TKFC: variants seen among roughly 807,000 people sequenced by gnomAD.
TKFC encodes triokinase/FMN cyclase.
TKFC carries 46 observed loss-of-function variants against 61.0 expected under a neutral mutation model. The ratio of observed to expected loss-of-function variants is 0.75; its 90% CI spans 0.60 to 0.96. TKFC has a LOEUF of 0.96. Among genes scored for constraint, TKFC ranks in the 50% least tolerant of loss-of-function variants. The pLI is 0.00. For missense variants in TKFC, 715 were observed against 777.5 expected (o/e 0.92, Z 0.96); for synonymous variants, 314 against 330.1 (o/e 0.95, Z 0.53).
In TKFC at chr11:61,339,578, C is replaced by T. The variant is rs986504237; in HGVS notation, c.486+143C>T. 2.1e-5 allele frequency: 20 copies of T among 943,058 alleles called. No individual in the cohort carries two copies. The African/African-American group carries it at 2.3e-4, about 11-fold the overall frequency. The allele number at this position is 943,058 out of a possible 1,614,324, so 58.4% of individuals were successfully genotyped here. A position where few individuals can be genotyped will look rare whatever the true frequency, so the allele number is the denominator to read the frequency against. On this transcript the variant is annotated intron_variant, in intron 5 of 17. Transcript: ENST00000394900. ...AGTGTTCCCTGATCTCAGAAGGCCC[C>T]GCCATCCCCTCAGCTACCTAAGCCC...
At chr11:61,339,623 G>T in intron 5 of TKFC, 188 bp downstream of exon 5, 1 of 654,398 alleles carries the variant, frequency 1.5e-6, no homozygotes, top group Non-Finnish European at 2.5e-6. Context: ...CATTTTCCCA[G>T]ACTCGTCCCC....
At chr11:61,343,561 C>A in intron 11 of TKFC, 103 bp downstream of exon 11, 1 of 1,090,614 alleles carries the variant, frequency 9.2e-7, no homozygotes, top group Non-Finnish European at 1.4e-6. Context: ...ACAATCAGGG[C>A]TCTGGAGCCT....
intron 7 of TKFC, 70 bp downstream of exon 7, chr11:61,341,982 CT>C: frequency 7.0e-7 from 1 of 1,433,654 alleles, no homozygotes; most frequent in Non-Finnish European, 9.6e-7. Context: ...CTTGCATACC[CT>C]TAGAGCCATC....
chr11:61,334,859 G>T, intron 2 of TKFC, 128 bp downstream of exon 2: 1 of 1,377,140 alleles, frequency 7.3e-7, no homozygotes. Context: ...CACGGGTGAA[G>T]AGAGAGGGTC....
chr11:61,341,652 AGC>A, intron 6 of TKFC, 138 bp downstream of exon 6: 1 of 1,237,496 alleles, frequency 8.1e-7, no homozygotes, highest in Non-Finnish European at 1.2e-6. Context: ...TCCCTGGGGG[AGC>A]TCCTGGGGAC....
chr11:61,346,846 T>C lies in TKFC; in HGVS notation c.*343T>C. ...CCTAATTTGGTTTTAAGACTCCCTGTGAAATGCTTTCCGCACCTTAACCCC... is the reference window on the plus strand; with the variant it reads ...CCTAATTTGGTTTTAAGACTCCCTGCGAAATGCTTTCCGCACCTTAACCCC... On this transcript the variant is annotated 3_prime_UTR_variant, in exon 18 of 18. Coordinates refer to ENST00000394900, the MANE Select transcript of TKFC (RefSeq NM_015533.4). This position sits in a 1 kb window ranked among gnomAD's most constrained non-coding sequence, Gnocchi z 4.1. 9.5e-7 allele frequency: 1 copy of C among 1,057,850 alleles called. No individual in the cohort carries two copies. The highest frequency in any genetic ancestry group is 1.1e-6 in the Non-Finnish European group (1 of 876,554). 65.5% of individuals were successfully genotyped at this position (1,057,850 alleles called of 1,614,324 possible).
downstream of TKFC, chr11:61,350,294 G>C (rs1857335124): frequency 6.9e-7 from 1 of 1,446,090 alleles, no homozygotes; most frequent in Non-Finnish European, 9.4e-7. Flanking sequence ...AGCATTGGAA[G>C]AAAGTCGCCT....
chr11:61,334,482 A>G, intron 1 of TKFC, 138 bp from the exon 2 acceptor site: 1 of 519,018 alleles, frequency 1.9e-6, no homozygotes, highest in Non-Finnish European at 3.5e-6. Context: ...ACTCTTCTCC[A>G]TCCGTAGCCC....
intron 2 of TKFC, among the ~76,000 whole-genome samples, chr11:61,335,022 C>T (rs1335835423): frequency 6.6e-6 from 1 of 152,204 alleles, no homozygotes; most frequent in Non-Finnish European, 1.5e-5. Flanking sequence ...TAACAGTTAC[C>T]TGCTCTGTAA....
Position 61,334,613 on chromosome 11 carries a change from C to T in TKFC, c.-109-7C>T. On this transcript the variant is annotated splice_polypyrimidine_tract_variant and splice_region_variant and intron_variant, in intron 1 of 17. Transcript: ENST00000394900. ...TCCGCAGCTTGTATCGTTACCCACT[C>T]CTGCAGGTGCTGCTGCTGCCTCCAC... 1 of 1,382,656 alleles carries T rather than the reference C, an allele frequency of 7.2e-7. No homozygotes were observed. The highest frequency in any genetic ancestry group is 1.0e-6 in the Non-Finnish European group (1 of 980,966). The allele number at this position is 1,382,656 out of a possible 1,614,324, so 85.6% of individuals were successfully genotyped here. A position where few individuals can be genotyped will look rare whatever the true frequency, so the allele number is the denominator to read the frequency against.
chr11:61,344,359 CTTTTTTTTTTT>C, intron 13 of TKFC, 86 bp downstream of exon 13: 1 of 1,086,718 alleles, frequency 9.2e-7, no homozygotes, highest in Non-Finnish European at 1.2e-6. Flanking sequence ...AGGGACCTTC[CTTTTTTTTTTT>C]TTTTTTTTTT....
Position 61,347,709 on chromosome 11 carries a change from C to G in TKFC, c.*1206C>G. Reference sequence around the variant, plus strand: ...GGGAGTGGTTAAAGGCACTGGCTGTCGACTCATACACATGATCTGAAATCT... The same window carrying G: ...GGGAGTGGTTAAAGGCACTGGCTGTGGACTCATACACATGATCTGAAATCT... On this transcript the variant is annotated 3_prime_UTR_variant, in exon 18 of 18. Coordinates refer to ENST00000394900, the MANE Select transcript of TKFC (RefSeq NM_015533.4). 2 of 985,214 alleles carry G rather than the reference C, an allele frequency of 2.0e-6. No individual in the cohort carries two copies. Among genetic ancestry groups the G allele is most frequent in the Non-Finnish European group, 2.4e-6 (2 of 829,802 alleles). The allele number at this position is 985,214 out of a possible 1,614,324, so 61.0% of individuals were successfully genotyped here. A position where few individuals can be genotyped will look rare whatever the true frequency, so the allele number is the denominator to read the frequency against.
In TKFC at chr11:61,339,142, G is replaced by A; in HGVS notation, c.270G>A (p.Leu90=). ...CCTCCCCGGCAGTGGGCAGCATCCT[G>A]GCAGCCATCAGGGCCGTGGCCCAGG... is the stretch of plus-strand genomic sequence containing the variant. The part of the protein sequence containing the change: ...VFTSPAVGSI[L]AAIRAVAQAG... The change falls in exon 4 of 18, where the codon CTG becomes CTA. Residue 90 remains leucine, a synonymous_variant. Transcript: ENST00000394900. The A allele has an allele frequency of 6.2e-7, 1 of 1,613,820 alleles. No homozygotes were observed. Among genetic ancestry groups the A allele is most frequent in the Non-Finnish European group, 8.5e-7 (1 of 1,179,998 alleles).
rs1475622169 is a variant in TKFC, at chr11:61,342,776, TCAA to T, written c.802_804del (p.Asn268del). 6.2e-7 allele frequency: 1 copy of T among 1,613,806 alleles called. No individual in the cohort carries two copies. Reference sequence around the variant, plus strand: ...GCAGGCTCCTCAGTTGTGATGATGGTCAACAACCTGGGTGGCCTGTCATTCCTG... The same window carrying T: ...GCAGGCTCCTCAGTTGTGATGATGGTCAACCTGGGTGGCCTGTCATTCCTG... On this transcript the variant is annotated inframe_deletion, in exon 10 of 18. Coordinates refer to ENST00000394900, the MANE Select transcript of TKFC (RefSeq NM_015533.4).
intron 10 of TKFC, 89 bp from the exon 11 acceptor site, chr11:61,343,253 C>A: frequency 8.1e-7 from 1 of 1,227,898 alleles, no homozygotes; most frequent in Non-Finnish European, 1.2e-6. Flanking sequence ...GACCTCAGAG[C>A]CCCAGCTTCC....
intron 15 of TKFC, 45 bp from the exon 16 acceptor site, chr11:61,345,667 C>T: frequency 3.7e-6 from 6 of 1,614,124 alleles, no homozygotes; most frequent in Non-Finnish European, 5.1e-6. Flanking sequence ...GAGTGATTCC[C>T]TTGGTTCCCT....
chr11:61,334,837 C>T (rs751139853), intron 2 of TKFC, 106 bp downstream of exon 2: 319 of 1,509,218 alleles, frequency 2.1e-4, no homozygotes, highest in Non-Finnish European at 2.8e-4. Context: ...GATGCTATTG[C>T]CTCCTGAGGC....
chr11:61,343,837 G>GTTAT lies in TKFC; in HGVS notation c.983-18_983-15dup. ...TGGCTGGACAGCCGTGTCTAAGAGAGTTATCTTGCTGCCCTTAGATGCTGA... is the reference window on the plus strand; with the variant it reads ...TGGCTGGACAGCCGTGTCTAAGAGAGTTATTTATCTTGCTGCCCTTAGATGCTGA... On this transcript the variant is annotated intron_variant, in intron 11 of 17. Transcript: ENST00000394900. 6.2e-7 allele frequency: 1 copy of GTTAT among 1,604,126 alleles called. No homozygotes were observed. Among genetic ancestry groups the GTTAT allele is most frequent in the Non-Finnish European group, 8.5e-7 (1 of 1,178,284 alleles).
chr11:61,345,494 G>C lies in TKFC; in HGVS notation c.1380G>C (p.Gln460His). The part of the protein sequence containing the change: ...LYGLFLTAAA[Q>H]PLKAKTSLPA... ...GCCTGTTCCTGACTGCGGCTGCACAGCCCCTGAAGGCCAAGACCAGCCTCC... is the reference window on the plus strand; with the variant it reads ...GCCTGTTCCTGACTGCGGCTGCACACCCCCTGAAGGCCAAGACCAGCCTCC... The change falls in exon 15 of 18, where the codon CAG becomes CAC. Residue 460 changes from glutamine to histidine, a missense_variant. By Grantham distance (24) the Gln-to-His change is conservative (BLOSUM62 0). Coordinates refer to ENST00000394900, the MANE Select transcript of TKFC (RefSeq NM_015533.4). 3 of 1,613,316 alleles carry C rather than the reference G, an allele frequency of 1.9e-6. No homozygotes were observed. Among genetic ancestry groups the C allele is most frequent in the Non-Finnish European group, 2.5e-6 (3 of 1,180,018 alleles).
Sources: gnomAD v4.1 joint callset for allele counts (sites outside exome capture counted in the v4.1 genomes callset) on GRCh38, gnomAD v4.1.1 for gene constraint, Gnocchi (gnomAD v3.1) non-coding constraint, MANE v1.5 for transcripts, NCBI Gene and HGNC (gene_info 2026-07-23, HGNC 2026-07-21) for gene names.